NOS3: variants seen among roughly 807,000 people sequenced by gnomAD.
NOS3 encodes nitric oxide synthase 3.
A neutral mutation model predicts 144.9 loss-of-function variants in NOS3; 98 were observed. That is an observed-to-expected ratio of 0.68 (90% confidence interval 0.57 to 0.80). The LOEUF is 0.80. NOS3 is among the 30% of genes least tolerant of loss of function. NOS3 has a pLI of 0.00. For missense variants in NOS3, 1,465 were observed against 1,656.4 expected, an observed-to-expected ratio of 0.88 and a Z score of 2.01; for synonymous variants, 714 against 702.4, an observed-to-expected ratio of 1.02 and a Z score of -0.26.
At chr7:150,994,320 C>G (rs2117096338) in intron 2 of NOS3, among the ~76,000 whole-genome samples, 1 of 152,298 alleles carries the variant, frequency 6.6e-6, no homozygotes, top group Admixed American at 6.5e-5. Context: ...AAGTTTCTAG[C>G]TCACAGCAAG....
chr7:150,993,658 G>A lies in NOS3; in HGVS notation c.-51-95G>A. ...GAGCCTCCCAGCCGGGCTTGTTCCTGTCCCATTGTGTATGGGATAGGGGCG... is the reference window on the plus strand; with the variant it reads ...GAGCCTCCCAGCCGGGCTTGTTCCTATCCCATTGTGTATGGGATAGGGGCG... On this transcript the variant is annotated intron_variant, in intron 1 of 26. Coordinates refer to ENST00000297494, the MANE Select transcript of NOS3 (RefSeq NM_000603.5). The surrounding 1 kb of genome is among the most constrained non-coding windows in gnomAD (Gnocchi z 4.0). 9.4e-6 allele frequency: 7 copies of A among 744,112 alleles called. No individual in the cohort carries two copies. Among genetic ancestry groups the A allele is most frequent in the Non-Finnish European group, 1.5e-5 (7 of 471,336 alleles). The allele number at this position is 744,112 out of a possible 1,614,324, so 46.1% of individuals were successfully genotyped here.
At position 151,014,086 on chromosome 7, in the gene NOS3, A is replaced by C; in HGVS notation, c.3529A>C (p.Ser1177Arg). The part of the protein sequence containing the change: ...QEVTSRIRTQ[S>R]FSLQERQLRG... The stretch of plus-strand genomic sequence containing the variant: ...GGTGACAAGCCGCATACGCACCCAG[A>C]GCTTTTCCTTGCAGGAGCGTCAGTT... Residue 1177 changes from serine to arginine, a missense_variant, in exon 27 of 27, where the codon AGC becomes CGC. By Grantham distance (110) the Ser-to-Arg change is moderately radical. Around this residue, in one of 5 missense-constraint regions of NOS3, gnomAD observed 228 missense variants for 227.7 expected, o/e 1.00. Coordinates refer to ENST00000297494, the MANE Select transcript of NOS3 (RefSeq NM_000603.5). 1 of 1,613,830 alleles carries C rather than the reference A, an allele frequency of 6.2e-7. No homozygotes were observed. Among genetic ancestry groups the C allele is most frequent in the Non-Finnish European group, 8.5e-7 (1 of 1,179,926 alleles).
intron 21 of NOS3, 127 bp downstream of exon 21, chr7:151,010,414 G>T: frequency 9.4e-7 from 1 of 1,063,308 alleles, no homozygotes; most frequent in Non-Finnish European, 1.3e-6. Context: ...ATGCACTGGT[G>T]CTTTAAGACC....
At chr7:151,000,142 G>C (rs1165272474) in intron 9 of NOS3, among the ~76,000 whole-genome samples, 1 of 148,496 alleles carries the variant, frequency 6.7e-6, no homozygotes, top group East Asian at 2.0e-4. Context: ...GTGGGTGGGT[G>C]AGGGGGGCAT....
intron 15 of NOS3, 54 bp downstream of exon 15, chr7:151,006,548 CA>C (rs946206998): frequency 2.8e-6 from 4 of 1,439,394 alleles, no homozygotes; most frequent in African/African-American, 2.8e-5. Flanking sequence ...TTTGGAGACA[CA>C]AACAGAAAGG....
chr7:151,000,992 G>T (rs1353745742), intron 10 of NOS3, among the ~76,000 whole-genome samples: 2 of 152,168 alleles, frequency 1.3e-5, no homozygotes. Flanking sequence ...TATTTGGTTT[G>T]GGGACCAGGC....
chr7:150,999,618 G>A (rs1185561886), intron 9 of NOS3, among the ~76,000 whole-genome samples: 2 of 151,220 alleles, frequency 1.3e-5, no homozygotes, highest in Non-Finnish European at 1.5e-5. Context: ...GAGAGTGTGG[G>A]CTTGTGGGGT....
At chr7:150,997,478 C>T (rs1255905096) in intron 5 of NOS3, among the ~76,000 whole-genome samples, 1 of 152,150 alleles carries the variant, frequency 6.6e-6, no homozygotes, top group African/African-American at 2.4e-5. Context: ...CGGCCCGCAC[C>T]CTCCCTCACA....
chr7:151,000,364 A>T (rs1174379933), intron 9 of NOS3, 134 bp from the exon 10 acceptor site: 3 of 644,422 alleles, frequency 4.7e-6, no homozygotes, highest in South Asian at 3.7e-5. Context: ...CCAGCCCCCT[A>T]GGCAGCCAGG....
In NOS3 at chr7:151,013,274, C is replaced by T; in HGVS notation, c.3150C>T (p.Cys1050=). 6.2e-7 allele frequency: 1 copy of T among 1,614,020 alleles called. No homozygotes were observed. The highest frequency in any genetic ancestry group is 8.5e-7 in the Non-Finnish European group (1 of 1,179,996). ...TPMTLVFGCR[C]SQLDHLYRDE... ...TGACTTTGGTGTTCGGCTGCCGATGCTCCCAACTTGACCATCTCTACCGCG... is the reference window on the plus strand; with the variant it reads ...TGACTTTGGTGTTCGGCTGCCGATGTTCCCAACTTGACCATCTCTACCGCG... The change falls in exon 25 of 27, where the codon TGC becomes TGT. Residue 1050 remains cysteine, a synonymous_variant. Transcript: ENST00000297494.
intron 14 of NOS3, among the ~76,000 whole-genome samples, chr7:151,005,841 A>G (rs1489389094): frequency 6.6e-6 from 1 of 152,228 alleles, no homozygotes; most frequent in African/African-American, 2.4e-5. Context: ...CAGACTGAAC[A>G]ACACAGCGAG....
intron 18 of NOS3, 35 bp from the exon 19 acceptor site, chr7:151,009,154 C>T: frequency 1.2e-6 from 2 of 1,613,232 alleles, no homozygotes; most frequent in Non-Finnish European, 1.7e-6. Flanking sequence ...TGCTCCCTAG[C>T]TCAGGCTGCC....
Position 150,996,743 on chromosome 7 carries a change from C to T in NOS3, c.420-20C>T, listed in dbSNP as rs1172134089. ...CACACAACTTCCTGCTTGTCCCCTT[C>T]CCACCCCTCTCCTCCCCAGGAGCGG... is the stretch of plus-strand genomic sequence containing the variant. On this transcript the variant is annotated intron_variant, in intron 4 of 26. Coordinates refer to ENST00000297494, the MANE Select transcript of NOS3 (RefSeq NM_000603.5). The T allele has an allele frequency of 2.5e-6, 4 of 1,610,132 alleles. No homozygotes were observed. The highest frequency in any genetic ancestry group is 2.2e-5 in the East Asian group (1 of 44,820).
At chr7:151,007,922 G>A (rs1795231186) in intron 17 of NOS3, among the ~76,000 whole-genome samples, 1 of 152,214 alleles carries the variant, frequency 6.6e-6, no homozygotes. Flanking sequence ...CGGGGCCCAG[G>A]CTGGAGCTCA....
chr7:151,008,392 T>C (rs1795238466), intron 17 of NOS3, among the ~76,000 whole-genome samples: 1 of 151,724 alleles, frequency 6.6e-6, no homozygotes, highest in Non-Finnish European at 1.5e-5. Flanking sequence ...TGACCAGGAG[T>C]AGACGGGATC....
At position 151,011,005 on chromosome 7, in the gene NOS3, TTGG is replaced by T; in HGVS notation, c.2984+23_2984+25del. The T allele has an allele frequency of 6.3e-7, 1 of 1,586,276 alleles. No individual in the cohort carries two copies. On this transcript the variant is annotated intron_variant, in intron 23 of 26. Transcript: ENST00000297494. Reference sequence around the variant, plus strand: ...TCCGGGGGTAAGTGAGATGGAAGACTTGGTGGGGAGCTGCCCAGGGTCAGGGTG... The same window carrying T: ...TCCGGGGGTAAGTGAGATGGAAGACTTGGGGAGCTGCCCAGGGTCAGGGTG...
intron 17 of NOS3, 65 bp downstream of exon 17, chr7:151,007,341 G>C: frequency 1.4e-6 from 2 of 1,475,742 alleles, no homozygotes; most frequent in Admixed American, 4.5e-5. Context: ...GCCTCACTCT[G>C]CCCTGATTCT....
At position 151,003,719 on chromosome 7, in the gene NOS3, C is replaced by A; in HGVS notation, c.1752+1415C>A. On this transcript the variant is annotated intron_variant, in intron 14 of 26. Coordinates refer to ENST00000297494, the MANE Select transcript of NOS3 (RefSeq NM_000603.5). This position sits in a 1 kb window ranked among gnomAD's most constrained non-coding sequence, Gnocchi z 4.1. ...AGTTTCGCCTGCTCTAGAACGGCAC[C>A]TAGATGGAAGCACGCAGTGTTGCGG... 3 of 508,966 alleles carry A rather than the reference C, an allele frequency of 5.9e-6. No homozygotes were observed. The highest frequency in any genetic ancestry group is 4.6e-5 in the South Asian group (3 of 65,240). 31.5% of individuals were successfully genotyped at this position (508,966 alleles called of 1,614,324 possible). A position where few individuals can be genotyped will look rare whatever the true frequency, so the allele number is the denominator to read the frequency against.
intron 24 of NOS3, chr7:151,012,955 C>T: frequency 2.0e-6 from 1 of 498,178 alleles, no homozygotes; most frequent in Non-Finnish European, 3.6e-6. Flanking sequence ...TCACACAATG[C>T]AAAGGGCATG....
Sources: gnomAD v4.1 joint callset for allele counts (sites outside exome capture counted in the v4.1 genomes callset) on GRCh38, gnomAD v4.1.1 for gene constraint, gnomAD v4.1.1 regional missense constraint, Gnocchi (gnomAD v3.1) non-coding constraint, MANE v1.5 for transcripts, NCBI Gene and HGNC (gene_info 2026-07-23, HGNC 2026-07-21) for gene names.